The following SEZ6 variants were observed in gnomAD, a reference collection of about 807,000 sequenced individuals.
SEZ6 encodes the protein seizure protein 6 homolog.
In SEZ6, 53 loss-of-function variants were observed where a neutral mutation model predicts 101.0. The ratio of observed to expected loss-of-function variants is 0.52; its 90% CI spans 0.42 to 0.66. SEZ6 has a LOEUF of 0.66. Among genes scored for constraint, SEZ6 ranks in the 30% least tolerant of loss-of-function variants. SEZ6 has a pLI of 0.00. For missense variants in SEZ6, 1,102 were observed against 1,289.4 expected (o/e 0.85, Z 2.23); for synonymous variants, 488 against 512.2 (o/e 0.95, Z 0.64).
chr17:28,994,202 G>T (rs1318113859), intron 1 of SEZ6, among the ~76,000 whole-genome samples: 1 of 152,206 alleles, frequency 6.6e-6, no homozygotes, highest in African/African-American at 2.4e-5. Flanking sequence ...CCACTGACAG[G>T]CTATGCGACC....
At position 28,960,934 on chromosome 17, in the gene SEZ6, C is replaced by T. The variant is rs368377853; in HGVS notation, c.1280G>A (p.Arg427His). The change falls in exon 6 of 17, where the codon CGC becomes CAC. Residue 427 changes from arginine (R) to histidine (H), a missense_variant. By Grantham distance (29) the Arg-to-His change is conservative (BLOSUM62 0). Transcript: ENST00000317338. ...GGVIRNATTG[R>H]IVSPGFPGNY... ...GCCCGGGAAGCCTGGAGAGACGATGCGGCCGGTGGTGGCATTGCGGATCAC... is the reference window on the plus strand; with the variant it reads ...GCCCGGGAAGCCTGGAGAGACGATGTGGCCGGTGGTGGCATTGCGGATCAC... The T allele has an allele frequency of 8.1e-6, 13 of 1,613,652 alleles. No homozygotes were observed. Among genetic ancestry groups the T allele is most frequent in the South Asian group, 1.1e-5 (1 of 91,094 alleles).
chr17:28,981,283 G>A, intron 2 of SEZ6, 88 bp downstream of exon 2: 1 of 1,473,488 alleles, frequency 6.8e-7, no homozygotes, highest in Non-Finnish European at 9.0e-7. Flanking sequence ...GGCAGGGCAG[G>A]CTGGCACAGT....
Position 29,005,672 on chromosome 17 carries a change from C to T in SEZ6, c.55+143G>A, listed in dbSNP as rs1568008221. The T allele has an allele frequency of 1.0e-5, 8 of 767,462 alleles. No homozygotes were observed. The highest frequency in any genetic ancestry group is 1.0e-5 in the Non-Finnish European group (6 of 587,412). The allele number at this position is 767,462 out of a possible 1,614,324, so 47.5% of individuals were successfully genotyped here. The stretch of plus-strand genomic sequence containing the variant: ...AAGCCCGCGCCCCGCCCGGCTTGGC[C>T]GGCGCCGGGGGCAGCGCAGCCGGCG... On this transcript the variant is annotated intron_variant, in intron 1 of 16. Transcript: ENST00000317338. The surrounding 1 kb of genome is among the most constrained non-coding windows in gnomAD (Gnocchi z 4.8).
chr17:28,989,538 G>A (rs978403305), intron 1 of SEZ6, among the ~76,000 whole-genome samples: 5 of 152,158 alleles, frequency 3.3e-5, no homozygotes, highest in Admixed American at 1.3e-4. Context: ...TATTTTTAGA[G>A]ATGAGGGTCA....
In SEZ6 at chr17:29,005,820, G is replaced by A. The variant is rs1306447089; in HGVS notation, c.50C>T (p.Ala17Val). Residue 17 changes from alanine to valine, a missense_variant, in exon 1 of 17, where the codon GCT becomes GTT. By Grantham distance (64) the Ala-to-Val change is moderately conservative. This residue lies in a region of SEZ6 where 406 missense variants were observed against 418.6 expected (regional missense o/e 0.97). Transcript: ENST00000317338. The surrounding 1 kb of genome is among the most constrained non-coding windows in gnomAD (Gnocchi z 4.8). Reference protein sequence around the residue: ...LLLPSLLALLAHGLSLEAPTV... With the variant: ...LLLPSLLALLVHGLSLEAPTV... Reference sequence around the variant, plus strand: ...CGGATGCCGGGGTCCCTTACCGTGAGCCAGGAGCGCCAGCAGCGAGGGCAG... The same window carrying A: ...CGGATGCCGGGGTCCCTTACCGTGAACCAGGAGCGCCAGCAGCGAGGGCAG... The A allele has an allele frequency of 3.4e-6, 5 of 1,485,512 alleles. No homozygotes were observed. The South Asian group carries it at 6.2e-5, about 18-fold the overall frequency. The allele number at this position is 1,485,512 out of a possible 1,614,324, so 92.0% of individuals were successfully genotyped here.
chr17:28,985,240 G>A (rs1356582035), intron 1 of SEZ6, among the ~76,000 whole-genome samples: 1 of 152,212 alleles, frequency 6.6e-6, no homozygotes, highest in Non-Finnish European at 1.5e-5. Context: ...GCACGGACTC[G>A]TCGAAGATCT....
intron 1 of SEZ6, among the ~76,000 whole-genome samples, chr17:28,988,396 G>A (rs2041412645): frequency 6.6e-6 from 1 of 152,212 alleles, no homozygotes; most frequent in African/African-American, 2.4e-5. Flanking sequence ...GCTGGGCTCA[G>A]GGCACACTGT....
At chr17:28,957,764 G>A in intron 11 of SEZ6, 183 bp downstream of exon 11, 1 of 855,332 alleles carries the variant, frequency 1.2e-6, no homozygotes, top group Admixed American at 2.8e-5. Flanking sequence ...AATACTTAGA[G>A]TACGTGGCTG....
chr17:28,996,129 T>C (rs1598212686), intron 1 of SEZ6, among the ~76,000 whole-genome samples: 1 of 146,448 alleles, frequency 6.8e-6, no homozygotes, highest in African/African-American at 2.5e-5. Context: ...GCCTCCCGGG[T>C]GGCTGGGACT....
chr17:28,958,888 A>G (rs2040926986), intron 10 of SEZ6, 137 bp downstream of exon 10: 1 of 974,996 alleles, frequency 1.0e-6, no homozygotes. Context: ...GAACAGGACT[A>G]GCTTCCTCCA....
chr17:28,992,130 CATGCACTTCACAAA>C (rs1426212549), intron 1 of SEZ6, among the ~76,000 whole-genome samples: 1 of 152,220 alleles, frequency 6.6e-6, no homozygotes, highest in Non-Finnish European at 1.5e-5. Flanking sequence ...ATGGGCTAGC[CATGCACTTCACAAA>C]GAGCTGTCTT....
intron 2 of SEZ6, 67 bp downstream of exon 2, chr17:28,981,304 G>A (rs1025859763): frequency 5.4e-6 from 8 of 1,491,146 alleles, no homozygotes; most frequent in Non-Finnish European, 7.2e-6. Context: ...GTCAGAGACA[G>A]GCTTTTAGGG....
intron 1 of SEZ6, 116 bp from the exon 2 acceptor site, chr17:28,982,155 C>G (rs2041317647): frequency 9.1e-6 from 13 of 1,427,440 alleles, no homozygotes; most frequent in African/African-American, 1.4e-5. Context: ...GAGGAGCGTG[C>G]TCACTGCTGA....
Position 28,956,205 on chromosome 17 carries a change from C to A in SEZ6, c.2906G>T (p.Arg969Leu). 8.1e-7 allele frequency: 1 copy of A among 1,232,158 alleles called. No individual in the cohort carries two copies. Among genetic ancestry groups the A allele is most frequent in the Non-Finnish European group, 1.1e-6 (1 of 934,444 alleles). The allele number at this position is 1,232,158 out of a possible 1,614,324, so 76.3% of individuals were successfully genotyped here. The change falls in exon 16 of 17, where the codon CGC becomes CTC. Residue 969 changes from arginine (R) to leucine (L), a missense_variant. By Grantham distance (102) the Arg-to-Leu change is moderately radical. Coordinates refer to ENST00000317338, the MANE Select transcript of SEZ6 (RefSeq NM_178860.5). ...LPRPRPRPYNRITIESAFDNP... is the reference protein window; with the variant it reads ...LPRPRPRPYNLITIESAFDNP... Reference sequence around the variant, plus strand: ...GTCAAACGCTGACTCTATGGTAATGCGGTTGTAGGGGCGGGGGCGGGGGCG... The same window carrying A: ...GTCAAACGCTGACTCTATGGTAATGAGGTTGTAGGGGCGGGGGCGGGGGCG...
chr17:29,005,239 T>C lies in SEZ6; in HGVS notation c.55+576A>G, dbSNP rs1209586587. ...CCCTTGGAGTTTCTCTCTAGAATTG[T>C]GCTCTAGGTCCCGACTCTGGCGTGG... On this transcript the variant is annotated intron_variant, in intron 1 of 16. Coordinates refer to ENST00000317338, the MANE Select transcript of SEZ6 (RefSeq NM_178860.5). The surrounding 1 kb of genome is among the most constrained non-coding windows in gnomAD (Gnocchi z 4.8). 1.3e-5 allele frequency among the ~76,000 whole-genome samples: 2 copies of C among 152,146 alleles called. No individual in the cohort carries two copies. The highest frequency in any genetic ancestry group is 3.9e-4 in the East Asian group (2 of 5,172).
intron 3 of SEZ6, among the ~76,000 whole-genome samples, chr17:28,972,728 A>T (rs2041170561): frequency 6.6e-6 from 1 of 152,230 alleles, no homozygotes; most frequent in Non-Finnish European, 1.5e-5. Flanking sequence ...CAAGACTCAC[A>T]CACGTGGAAT....
intron 3 of SEZ6, among the ~76,000 whole-genome samples, chr17:28,973,846 C>A (rs2041185664): frequency 6.6e-6 from 1 of 152,170 alleles, no homozygotes; most frequent in Admixed American, 6.5e-5. Flanking sequence ...TAGCCAGTGA[C>A]AGGAGGGGAC....
chr17:28,979,758 G>T lies in SEZ6; in HGVS notation c.780C>A (p.Asp260Glu). The T allele has an allele frequency of 6.2e-7, 1 of 1,613,674 alleles. No homozygotes were observed. The highest frequency in any genetic ancestry group is 8.5e-7 in the Non-Finnish European group (1 of 1,179,752). ...GPEGSLDSPT[D>E]LSSPTDVGLD... is the part of the protein sequence containing the mutation. ...GGCCAACATCAGTGGGGGAGCTGAG[G>T]TCTGTAGGGGAGTCCAGAGAGCCCT... Residue 260 changes from aspartate (D) to glutamate (E), a missense_variant, in exon 3 of 17, where the codon GAC becomes GAA. By Grantham distance (45) the Asp-to-Glu change is conservative (BLOSUM62 2). Coordinates refer to ENST00000317338, the MANE Select transcript of SEZ6 (RefSeq NM_178860.5).
In SEZ6 at chr17:28,956,718, C is replaced by A. The variant is rs2040884465; in HGVS notation, c.2731+1G>T. ...CTCTGGCCTCAAGGGTGGAGACTTA[C>A]CATCCAGGCTGCGACTGTTGTAGAA... On this transcript the variant is annotated splice_donor_variant, in intron 14 of 16. Coordinates refer to ENST00000317338, the MANE Select transcript of SEZ6 (RefSeq NM_178860.5). LOFTEE classifies it high-confidence loss of function. The A allele has an allele frequency of 6.4e-7, 1 of 1,561,264 alleles. No individual in the cohort carries two copies. Among genetic ancestry groups the A allele is most frequent in the Non-Finnish European group, 8.7e-7 (1 of 1,152,462 alleles).
Sources: gnomAD v4.1 joint callset for allele counts (sites outside exome capture counted in the v4.1 genomes callset) on GRCh38, gnomAD v4.1.1 for gene constraint, gnomAD v4.1.1 regional missense constraint, Gnocchi (gnomAD v3.1) non-coding constraint, MANE v1.5 for transcripts, NCBI Gene and HGNC (gene_info 2026-07-23, HGNC 2026-07-21) for gene names.